Variants in CNTNAP5 observed in about 807,000 individuals in gnomAD.
CNTNAP5 encodes the protein contactin associated protein family member 5.
A neutral mutation model predicts 150.2 loss-of-function variants in CNTNAP5; 72 were observed. The ratio of observed to expected loss-of-function variants is 0.48; its 90% CI spans 0.40 to 0.58. CNTNAP5 has a LOEUF of 0.58. Ranked by LOEUF, CNTNAP5 falls within the 20% of genes least tolerant of loss-of-function variation. The pLI, the probability that CNTNAP5 is intolerant of heterozygous loss-of-function variation, is 0.00. For synonymous variants in CNTNAP5, 672 were observed against 619.8 expected, an observed-to-expected ratio of 1.08 and a Z score of -1.25; for missense variants, 1,636 against 1,626.2, an observed-to-expected ratio of 1.01 and a Z score of -0.10.
chr2:124,505,003 G>A (rs1694371518), intron 8 of CNTNAP5, among the ~76,000 whole-genome samples: 2 of 152,130 alleles, frequency 1.3e-5, no homozygotes, highest in South Asian at 4.1e-4. Flanking sequence ...ACTGTGCCTG[G>A]CCAGCATTTT....
At chr2:124,905,038 CAAAAAAA>C (rs55882801) in intron 22 of CNTNAP5, among the ~76,000 whole-genome samples, 38 of 50,754 alleles carry the variant, frequency 7.5e-4, no homozygotes, top group African/African-American at 2.8e-3. Context: ...AACTCAATAG[CAAAAAAA>C]AAAAAAAAAA....
intron 1 of CNTNAP5, among the ~76,000 whole-genome samples, chr2:124,156,975 A>G (rs1453465961): frequency 6.6e-6 from 1 of 152,200 alleles, no homozygotes; most frequent in Non-Finnish European, 1.5e-5. Flanking sequence ...ATCACCTGAT[A>G]GTTATGGAAA....
rs559616587 is a variant in CNTNAP5 at position 124,653,916 on chromosome 2, C to G, written c.2077+5958C>G. On this transcript the variant is annotated intron_variant, in intron 13 of 23. Coordinates refer to ENST00000682447, the MANE Select transcript of CNTNAP5 (RefSeq NM_001367498.1). ...ACATGCCCCCACTGCCCCCAACCCC[C>G]CCCCCCCGCCACACACACACAATCA... 2.2e-3 allele frequency among the ~76,000 whole-genome samples: 295 copies of G among 135,844 alleles called. 7 individuals are homozygous for G. The highest frequency in any genetic ancestry group is 8.0e-3 in the African/African-American group (288 of 36,214). 89.1% of individuals were successfully genotyped at this position (135,844 alleles called of 152,430 possible). A position where few individuals can be genotyped will look rare whatever the true frequency, so the allele number is the denominator to read the frequency against.
intron 3 of CNTNAP5, among the ~76,000 whole-genome samples, chr2:124,254,704 T>C (rs781514883): frequency 3.9e-5 from 6 of 152,198 alleles, no homozygotes; most frequent in East Asian, 3.9e-4. Flanking sequence ...GGATGCTGTA[T>C]GGAGTAACTT....
rs36143990 is a variant in CNTNAP5, at chr2:124,858,402, A to G, written c.3218-6904A>G. 8.1e-4 allele frequency among the ~76,000 whole-genome samples: 123 copies of G among 152,222 alleles called. 1 individual carries two copies. Among genetic ancestry groups the G allele is most frequent in the Non-Finnish European group, 8.4e-4 (57 of 68,042 alleles). The stretch of plus-strand genomic sequence containing the variant: ...GTGCAAAAATCACAAACATTCTTAT[A>G]CACCAATAACAGACAGACAGAACCA... On this transcript the variant is annotated intron_variant, in intron 19 of 23. Transcript: ENST00000682447.
At chr2:124,403,857 C>G (rs564756387) in intron 3 of CNTNAP5, among the ~76,000 whole-genome samples, 8 of 152,294 alleles carry the variant, frequency 5.3e-5, no homozygotes, top group Middle Eastern at 6.8e-3. Context: ...AAGGACCAAA[C>G]GCACGTCTTA....
At position 124,161,895 on chromosome 2, in the gene CNTNAP5, A is replaced by G. The variant is rs1473979338; in HGVS notation, c.83-59810A>G. On this transcript the variant is annotated intron_variant, in intron 1 of 23. Coordinates refer to ENST00000682447, the MANE Select transcript of CNTNAP5 (RefSeq NM_001367498.1). Reference sequence around the variant, plus strand: ...AATAGAAGATTATGGATGATTGGAAAATATTTTATAGGTTCAATGATATTT... The same window carrying G: ...AATAGAAGATTATGGATGATTGGAAGATATTTTATAGGTTCAATGATATTT... Among the ~76,000 whole-genome samples the G allele has an allele frequency of 2.6e-5, 4 of 152,192 alleles. No individual in the cohort carries two copies. The East Asian group carries it at 7.7e-4, about 29-fold the overall frequency.
chr2:124,854,362 C>A (rs1677299884), intron 19 of CNTNAP5, among the ~76,000 whole-genome samples: 1 of 152,152 alleles, frequency 6.6e-6, no homozygotes, highest in South Asian at 2.1e-4. Flanking sequence ...TATGAATATT[C>A]TCATTACAGT....
At chr2:124,914,011 C>T (rs570918791) in intron 23 of CNTNAP5, 81 bp from the exon 24 acceptor site, 9 of 983,512 alleles carry the variant, frequency 9.2e-6, no homozygotes, top group Middle Eastern at 2.3e-4. Context: ...TACGCATTCC[C>T]CTCATCTGGA....
In CNTNAP5 at chr2:124,883,660, A is replaced by G. The variant is rs568779922; in HGVS notation, c.3436+13898A>G. Among the ~76,000 whole-genome samples, 3 of 152,196 alleles carry G rather than the reference A, an allele frequency of 2.0e-5. No individual in the cohort carries two copies. The South Asian group carries it at 6.2e-4, about 32-fold the overall frequency. The stretch of plus-strand genomic sequence containing the variant: ...CTGGTACAGGTATGTATGTGTACGC[A>G]TATGTGTATGTTTGCATTTGTCCAT... On this transcript the variant is annotated intron_variant, in intron 21 of 23. Coordinates refer to ENST00000682447, the MANE Select transcript of CNTNAP5 (RefSeq NM_001367498.1).
At chr2:124,333,305 C>T (rs1689394049) in intron 3 of CNTNAP5, among the ~76,000 whole-genome samples, 1 of 151,786 alleles carries the variant, frequency 6.6e-6, no homozygotes, top group African/African-American at 2.4e-5. Flanking sequence ...CACACACAAA[C>T]AAAAAAACAA....
intron 1 of CNTNAP5, among the ~76,000 whole-genome samples, chr2:124,208,180 A>G (rs1467898967): frequency 6.6e-6 from 1 of 152,164 alleles, no homozygotes; most frequent in African/African-American, 2.4e-5. Context: ...CCTATTTAAT[A>G]TCACGTGGGT....
chr2:124,601,075 C>G (rs1696975596), intron 11 of CNTNAP5, among the ~76,000 whole-genome samples: 1 of 152,084 alleles, frequency 6.6e-6, no homozygotes, highest in Non-Finnish European at 1.5e-5. Flanking sequence ...GTTGTGGACA[C>G]TTGGTGATTG....
intron 13 of CNTNAP5, among the ~76,000 whole-genome samples, chr2:124,674,174 A>G (rs1678880586): frequency 6.6e-6 from 1 of 152,118 alleles, no homozygotes; most frequent in South Asian, 2.1e-4. Context: ...ATCTACTTTT[A>G]GTCTTATTGA....
At chr2:124,211,764 C>T (rs1488903729) in intron 1 of CNTNAP5, among the ~76,000 whole-genome samples, 4 of 152,152 alleles carry the variant, frequency 2.6e-5, no homozygotes, top group East Asian at 3.9e-4. Flanking sequence ...AGGCATTTTC[C>T]TAAGTTCCAG....
intron 10 of CNTNAP5, among the ~76,000 whole-genome samples, chr2:124,546,717 C>G (rs116678665): frequency 2.0e-5 from 3 of 152,136 alleles, no homozygotes; most frequent in African/African-American, 7.2e-5. Context: ...AAACAAACAC[C>G]CTTAAAGGTA....
chr2:124,188,645 G>C (rs79759567), intron 1 of CNTNAP5, among the ~76,000 whole-genome samples: 30,562 of 148,762 alleles, frequency 0.21, 3,289 homozygotes, highest in African/African-American at 0.24. Flanking sequence ...CGTGAACCCA[G>C]GAGGCAGAGC....
chr2:124,298,332 T>C (rs555825455), intron 3 of CNTNAP5, among the ~76,000 whole-genome samples: 7 of 152,138 alleles, frequency 4.6e-5, no homozygotes, highest in African/African-American at 7.2e-5. Context: ...AAAAATGAGA[T>C]GAAGATGAGC....
intron 19 of CNTNAP5, among the ~76,000 whole-genome samples, chr2:124,804,815 C>G (rs564919985): frequency 7.9e-5 from 12 of 152,318 alleles, no homozygotes; most frequent in African/African-American, 2.4e-4. Flanking sequence ...AACTTTGCAA[C>G]TCATTGACAA....
Sources: allele counts gnomAD v4.1 joint callset (sites outside exome capture counted in the v4.1 genomes callset), GRCh38; gene constraint gnomAD v4.1.1; transcripts MANE v1.5; gene names NCBI Gene and HGNC (gene_info 2026-07-23, HGNC 2026-07-21).